The following ZDHHC23 variants were observed in gnomAD, a reference collection of about 807,000 sequenced individuals.
ZDHHC23 encodes palmitoyltransferase ZDHHC23.
In ZDHHC23, 41 loss-of-function variants were observed where a neutral mutation model predicts 40.2. The observed-to-expected ratio is 1.02, with a 90% CI of 0.79 to 1.32. The LOEUF (loss-of-function observed/expected upper bound fraction) is 1.32, where lower values mean the gene tolerates loss of function less well. Ranked by LOEUF, ZDHHC23 falls within the 40% of genes most tolerant of loss-of-function variation. ZDHHC23 has a pLI of 0.00. For missense variants in ZDHHC23, 471 were observed against 541.5 expected (o/e 0.87, Z 1.29); for synonymous variants, 204 against 210.2 (o/e 0.97, Z 0.26).
At chr3:113,978,797 G>C in the ZDHHC23 span, 22,081 of 1,544,754 alleles carry the variant, frequency 0.014, 187 homozygotes, top group Non-Finnish European at 0.017. Context: ...ATTTCATTTA[G>C]TTTTCTTAAA....
At chr3:113,964,352 A>G (rs1939898218), downstream of ZDHHC23, 2 of 152,232 alleles carry the variant, frequency 1.3e-5, no homozygotes, top group Non-Finnish European at 2.9e-5. Flanking sequence ...AGAGCATTTT[A>G]TCAGTCTTTA....
chr3:113,979,054 A>G, the ZDHHC23 span: 5 of 1,564,430 alleles, frequency 3.2e-6, no homozygotes, highest in South Asian at 3.4e-5. Context: ...TTAAATTTTA[A>G]ATCATTTAAA....
At chr3:113,970,938 G>A in the ZDHHC23 span, among the ~76,000 whole-genome samples, 1 of 152,084 alleles carries the variant, frequency 6.6e-6, no homozygotes, top group East Asian at 1.9e-4. Context: ...TGGTGTATAT[G>A]TGCCACATTT....
chr3:113,958,972 A>G lies in ZDHHC23; in HGVS notation c.*342A>G. On this transcript the variant is annotated 3_prime_UTR_variant, in exon 5 of 5. Coordinates refer to ENST00000638807, the MANE Select transcript of ZDHHC23 (RefSeq NM_001320466.2). ...AGAGTGTTGGATTAGGATAGTTTCTAGTCCCTCTTTCGATTCTTAATAGCC... is the reference window on the plus strand; with the variant it reads ...AGAGTGTTGGATTAGGATAGTTTCTGGTCCCTCTTTCGATTCTTAATAGCC... The G allele has an allele frequency of 8.4e-7, 1 of 1,185,406 alleles. No individual in the cohort carries two copies. The highest frequency in any genetic ancestry group is 1.1e-6 in the Non-Finnish European group (1 of 938,796). The allele number at this position is 1,185,406 out of a possible 1,614,324, so 73.4% of individuals were successfully genotyped here. A position where few individuals can be genotyped will look rare whatever the true frequency, so the allele number is the denominator to read the frequency against.
In ZDHHC23 at chr3:113,961,391, A is replaced by C. The variant is rs979139353; in HGVS notation, c.*2761A>C. 6.6e-6 allele frequency: 1 copy of C among 152,636 alleles called. No individual in the cohort carries two copies. Among genetic ancestry groups the C allele is most frequent in the African/African-American group, 2.4e-5 (1 of 41,454 alleles). The allele number at this position is 152,636 out of a possible 1,614,324, so 9.5% of individuals were successfully genotyped here. A position where few individuals can be genotyped will look rare whatever the true frequency, so the allele number is the denominator to read the frequency against. On this transcript the variant is annotated 3_prime_UTR_variant, in exon 5 of 5. Transcript: ENST00000638807. ...GATTTGAAAGATTCAAGGGAGAAAG[A>C]TTAAGGATCAGGATTGCATGAAAGA... is the stretch of plus-strand genomic sequence containing the variant.
At position 113,959,666 on chromosome 3, in the gene ZDHHC23, A is replaced by C. The variant is rs75771705; in HGVS notation, c.*1036A>C. ...TCATGTATTTCAAATGCTGTCAGTT[A>C]TAGCACTAAATTGTGAAAATCAGCC... is the stretch of plus-strand genomic sequence containing the variant. On this transcript the variant is annotated 3_prime_UTR_variant, in exon 5 of 5. Coordinates refer to ENST00000638807, the MANE Select transcript of ZDHHC23 (RefSeq NM_001320466.2). The C allele has an allele frequency of 1.9e-3, 2,143 of 1,148,882 alleles. 30 individuals carry two copies. In the African/African-American group the frequency reaches 0.029, roughly 16 times the overall value. The allele number at this position is 1,148,882 out of a possible 1,614,324, so 71.2% of individuals were successfully genotyped here.
chr3:113,962,184 G>A lies in ZDHHC23; in HGVS notation c.*3554G>A, dbSNP rs1939731202. On this transcript the variant is annotated 3_prime_UTR_variant, in exon 5 of 5. Transcript: ENST00000638807. ...TTAAACACTGCAAGGGTGATGCAGG[G>A]GAGCAGGAAAGCCATCCTAAACTCA... 1 of 152,220 alleles carries A rather than the reference G, an allele frequency of 6.6e-6. No individual in the cohort carries two copies. The highest frequency in any genetic ancestry group is 1.5e-5 in the Non-Finnish European group (1 of 68,024). The allele number at this position is 152,220 out of a possible 1,614,324, so 9.4% of individuals were successfully genotyped here. A position where few individuals can be genotyped will look rare whatever the true frequency, so the allele number is the denominator to read the frequency against.
chr3:113,954,036 G>C lies in ZDHHC23; in HGVS notation c.498G>C (p.Val166=). 5 of 1,614,156 alleles carry C rather than the reference G, an allele frequency of 3.1e-6. No individual in the cohort carries two copies. The highest frequency in any genetic ancestry group is 4.2e-6 in the Non-Finnish European group (5 of 1,180,032). The part of the protein sequence containing the change: ...FLQEVVPKGR[V]GPVQLAVLTC... ...AGGAAGTGGTCCCCAAAGGGCGTGT[G>C]GGTCCCGTTCAGCTGGCGGTTCTTA... Residue 166 remains valine (V), a synonymous_variant, in exon 3 of 5, where the codon GTG becomes GTC. Coordinates refer to ENST00000638807, the MANE Select transcript of ZDHHC23 (RefSeq NM_001320466.2).
the ZDHHC23 span, chr3:113,979,130 A>C: frequency 2.3e-6 from 2 of 877,758 alleles, no homozygotes; most frequent in South Asian, 1.6e-5. Context: ...GAATAATCTG[A>C]AGGTACATGC....
At position 113,962,596 on chromosome 3, in the gene ZDHHC23, G is replaced by C. The variant is rs576870267; in HGVS notation, c.*3966G>C. ...CACTGACGAGATGTCACAGTATAGA[G>C]CCTGCAGTCTCAACTCATTGTGATC... On this transcript the variant is annotated 3_prime_UTR_variant, in exon 5 of 5. Transcript: ENST00000638807. 1 of 152,312 alleles carries C rather than the reference G, an allele frequency of 6.6e-6. No homozygotes were observed. The highest frequency in any genetic ancestry group is 2.1e-4 in the South Asian group (1 of 4,830). The allele number at this position is 152,312 out of a possible 1,614,324, so 9.4% of individuals were successfully genotyped here. A position where few individuals can be genotyped will look rare whatever the true frequency, so the allele number is the denominator to read the frequency against.
At chr3:113,969,020 G>C (rs752896814), downstream of ZDHHC23, among the ~76,000 whole-genome samples, 13 of 152,174 alleles carry the variant, frequency 8.5e-5, no homozygotes, top group Non-Finnish European at 1.6e-4. Context: ...ATCATGTGCA[G>C]AGATCCAATG....
chr3:113,947,918 GC>G (rs1938235928), upstream of ZDHHC23: 1 of 147,740 alleles, frequency 6.8e-6, no homozygotes, highest in African/African-American at 2.4e-5. Flanking sequence ...CCGGAAGCGC[GC>G]GTGGACCTGG....
intron 4 of ZDHHC23, 69 bp from the exon 5 acceptor site, chr3:113,958,294 G>A (rs186684168): frequency 6.9e-5 from 97 of 1,409,926 alleles, no homozygotes; most frequent in East Asian, 6.7e-4. Context: ...TGTGTAAAAC[G>A]TGAGAATGAT....
chr3:113,977,805 A>G, the ZDHHC23 span, among the ~76,000 whole-genome samples: 1 of 152,206 alleles, frequency 6.6e-6, no homozygotes, highest in Non-Finnish European at 1.5e-5. Flanking sequence ...GCACTTTTCT[A>G]TATTTGTCGT....
downstream of ZDHHC23, among the ~76,000 whole-genome samples, chr3:113,967,776 T>C (rs1398383678): frequency 6.6e-6 from 1 of 152,182 alleles, no homozygotes; most frequent in Non-Finnish European, 1.5e-5. Context: ...AATCAACCTC[T>C]CTTCATCCAC....
chr3:113,959,870 C>A lies in ZDHHC23; in HGVS notation c.*1240C>A. ...GATTACTGTTCTTCCCTGGCTCTTCCGACAATAACAAGTTGTTTCTTTAAT... is the reference window on the plus strand; with the variant it reads ...GATTACTGTTCTTCCCTGGCTCTTCAGACAATAACAAGTTGTTTCTTTAAT... On this transcript the variant is annotated 3_prime_UTR_variant, in exon 5 of 5. Transcript: ENST00000638807. 1.0e-6 allele frequency: 1 copy of A among 996,360 alleles called. No individual in the cohort carries two copies. The highest frequency in any genetic ancestry group is 1.2e-6 in the Non-Finnish European group (1 of 835,058). The allele number at this position is 996,360 out of a possible 1,614,324, so 61.7% of individuals were successfully genotyped here. A position where few individuals can be genotyped will look rare whatever the true frequency, so the allele number is the denominator to read the frequency against.
At position 113,958,375 on chromosome 3, in the gene ZDHHC23, C is replaced by G; in HGVS notation, c.1053C>G (p.Ser351=). 3 of 1,612,970 alleles carry G rather than the reference C, an allele frequency of 1.9e-6. No individual in the cohort carries two copies. Among genetic ancestry groups the G allele is most frequent in the Non-Finnish European group, 1.7e-6 (2 of 1,179,000 alleles). ...TTCCCTCTCCTAGCTCGGCTCTGTCCTTCACCTGCGTGTGGTACTCTGTGA... is the reference window on the plus strand; with the variant it reads ...TTCCCTCTCCTAGCTCGGCTCTGTCGTTCACCTGCGTGTGGTACTCTGTGA... ...GVYANYSSAL[S]FTCVWYSVII... is the part of the protein sequence containing the mutation. Residue 351 remains serine (S), a synonymous_variant, in exon 5 of 5, where the codon TCC becomes TCG. Transcript: ENST00000638807.
At position 113,959,629 on chromosome 3, in the gene ZDHHC23, C is replaced by T. The variant is rs74354871; in HGVS notation, c.*999C>T. On this transcript the variant is annotated 3_prime_UTR_variant, in exon 5 of 5. Coordinates refer to ENST00000638807, the MANE Select transcript of ZDHHC23 (RefSeq NM_001320466.2). The stretch of plus-strand genomic sequence containing the variant: ...GGAAGGCTGAGTAACATCACGGGCT[C>T]GATTATTTTCTTCATGTATTTCAAA... The T allele has an allele frequency of 5.2e-4, 613 of 1,172,764 alleles. 5 individuals carry two copies. In the East Asian group the frequency reaches 0.023, roughly 43 times the overall value. The allele number at this position is 1,172,764 out of a possible 1,614,324, so 72.6% of individuals were successfully genotyped here.
At chr3:113,972,374 T>C in the ZDHHC23 span, among the ~76,000 whole-genome samples, 2 of 152,164 alleles carry the variant, frequency 1.3e-5, no homozygotes, top group African/African-American at 4.8e-5. Context: ...TTTCCTTCTA[T>C]CTGTGTAGCT....
Sources: gnomAD v4.1 joint callset for allele counts (sites outside exome capture counted in the v4.1 genomes callset) on GRCh38, gnomAD v4.1.1 for gene constraint, MANE v1.5 for transcripts, NCBI Gene and HGNC (gene_info 2026-07-23, HGNC 2026-07-21) for gene names.